UNC93A: variants seen among roughly 807,000 people sequenced by gnomAD.
UNC93A encodes the protein N-acetylglucosamine transporter UNC93A.
In UNC93A, 43 loss-of-function variants were observed where a neutral mutation model predicts 47.5. That is an observed-to-expected ratio of 0.91 (90% CI 0.71 to 1.17). The LOEUF is 1.17. UNC93A is among the 50% of genes most tolerant of loss of function. The pLI is 0.00. For missense variants in UNC93A, 605 were observed against 577.6 expected, an observed-to-expected ratio of 1.05 and a Z score of -0.49; for synonymous variants, 280 against 258.0, an observed-to-expected ratio of 1.09 and a Z score of -0.82.
chr6:167,309,705 A>C (rs1045060281), intron 7 of UNC93A, among the ~76,000 whole-genome samples: 1 of 152,234 alleles, frequency 6.6e-6, no homozygotes, highest in African/African-American at 2.4e-5. Flanking sequence ...TCGCGGACAG[A>C]ACACTCCAGC....
At chr6:167,270,732 TGAG>T (rs1282807278), upstream of UNC93A, among the ~76,000 whole-genome samples, 5 of 152,064 alleles carry the variant, frequency 3.3e-5, no homozygotes, top group Non-Finnish European at 7.4e-5. Flanking sequence ...GGTGACCACT[TGAG>T]GACGAAGGCA....
At chr6:167,308,626 C>T (rs1022319769) in intron 7 of UNC93A, among the ~76,000 whole-genome samples, 1 of 151,772 alleles carries the variant, frequency 6.6e-6, no homozygotes, top group Non-Finnish European at 1.5e-5. Flanking sequence ...GGCTGGGGCC[C>T]CTAAGAAGGC....
upstream of UNC93A, among the ~76,000 whole-genome samples, chr6:167,287,332 C>T (rs1783754876): frequency 6.6e-6 from 1 of 152,218 alleles, no homozygotes; most frequent in Non-Finnish European, 1.5e-5. Flanking sequence ...CTGGACACTG[C>T]TCTGCCGCCC....
intron 3 of UNC93A, among the ~76,000 whole-genome samples, chr6:167,296,923 C>T (rs1050258586): frequency 6.6e-6 from 1 of 152,202 alleles, no homozygotes; most frequent in African/African-American, 2.4e-5. Context: ...CTATTTCTAT[C>T]ACTTCATCAA....
chr6:167,302,379 C>T lies in UNC93A; in HGVS notation c.626-1540C>T, dbSNP rs974046943. On this transcript the variant is annotated intron_variant, in intron 4 of 7. Coordinates refer to ENST00000230256, the MANE Select transcript of UNC93A (RefSeq NM_018974.4). ...TTAGAGGAGCAGGGGTCTAAGTTCT[C>T]GGAGGTAGAAATGAACCGTTCTGAA... Among the ~76,000 whole-genome samples the T allele has an allele frequency of 3.3e-5, 5 of 152,018 alleles. No homozygotes were observed. The South Asian group carries it at 6.2e-4, about 19-fold the overall frequency.
At chr6:167,289,852 C>G (rs1356043814), upstream of UNC93A, among the ~76,000 whole-genome samples, 1 of 151,962 alleles carries the variant, frequency 6.6e-6, no homozygotes, top group Non-Finnish European at 1.5e-5. Flanking sequence ...ATCGATAACA[C>G]GGTTAGTATG....
intron 5 of UNC93A, among the ~76,000 whole-genome samples, chr6:167,304,715 C>G (rs60853266): frequency 1.3e-5 from 2 of 152,112 alleles, no homozygotes; most frequent in Non-Finnish European, 2.9e-5. Context: ...GGATTACAGG[C>G]GTGTGCCACC....
intron 1 of UNC93A, among the ~76,000 whole-genome samples, chr6:167,279,296 T>C (rs1474700970): frequency 6.6e-6 from 1 of 152,190 alleles, no homozygotes; most frequent in African/African-American, 2.4e-5. Context: ...CTGTCCTGTC[T>C]AGTAGTGATT....
At position 167,279,347 on chromosome 6, in the gene UNC93A, C is replaced by A. The variant is rs117087273; in HGVS notation, c.-52+7889C>A. ...ACCCTGTAAAAAAACAGCTTTCTCTCCATTTGCAATTCATTTCAAAATTCC... is the reference window on the plus strand; with the variant it reads ...ACCCTGTAAAAAAACAGCTTTCTCTACATTTGCAATTCATTTCAAAATTCC... On this transcript the variant is annotated intron_variant, in intron 1 of 3. Coordinates refer to the UNC93A transcript ENST00000503433. Among the ~76,000 whole-genome samples, 428 of 152,302 alleles carry A rather than the reference C, an allele frequency of 2.8e-3. 8 individuals are homozygous for A. The East Asian group carries it at 0.045, about 16-fold the overall frequency.
chr6:167,271,320 T>C (rs1009755354), exon 1 of UNC93A: 3 of 152,304 alleles, frequency 2.0e-5, no homozygotes, highest in African/African-American at 7.2e-5. Context: ...CAGGTGCTTC[T>C]GCTGAGGGCC....
In UNC93A at chr6:167,278,354, G is replaced by A. The variant is rs530926692; in HGVS notation, c.-52+6896G>A. Among the ~76,000 whole-genome samples, 477 of 152,248 alleles carry A rather than the reference G, an allele frequency of 3.1e-3. 2 individuals are homozygous for A. Among genetic ancestry groups the A allele is most frequent in the Non-Finnish European group, 5.1e-3 (350 of 68,012 alleles). Reference sequence around the variant, plus strand: ...AAAGGCCAACTCGGGTGTCCCCAGGGCCCGTGAGGCCAGCGCACGTGAGAC... The same window carrying A: ...AAAGGCCAACTCGGGTGTCCCCAGGACCCGTGAGGCCAGCGCACGTGAGAC... On this transcript the variant is annotated intron_variant, in intron 1 of 3. Transcript: ENST00000503433.
intron 7 of UNC93A, among the ~76,000 whole-genome samples, chr6:167,314,817 C>T (rs566524440): frequency 6.6e-6 from 1 of 152,286 alleles, no homozygotes; most frequent in East Asian, 1.9e-4. Flanking sequence ...CTGGACAAAA[C>T]CAATGCTCAT....
upstream of UNC93A, among the ~76,000 whole-genome samples, chr6:167,287,793 C>G (rs150972582): frequency 2.0e-4 from 31 of 152,128 alleles, 2 homozygotes; most frequent in East Asian, 6.0e-3. Flanking sequence ...GAACCAGGAC[C>G]TACACGATCC....
intron 4 of UNC93A, among the ~76,000 whole-genome samples, chr6:167,302,597 C>T (rs569542390): frequency 6.6e-6 from 1 of 152,260 alleles, no homozygotes. Flanking sequence ...AAATAAACAT[C>T]AGTTCTCCAT....
At chr6:167,302,402 G>C (rs1247738332) in intron 4 of UNC93A, among the ~76,000 whole-genome samples, 2 of 152,150 alleles carry the variant, frequency 1.3e-5, no homozygotes, top group African/African-American at 2.4e-5. Context: ...GAACCGTTCT[G>C]AAAGATTCTG....
At chr6:167,304,995 T>C (rs1452104051) in intron 5 of UNC93A, among the ~76,000 whole-genome samples, 6 of 152,106 alleles carry the variant, frequency 3.9e-5, no homozygotes, top group East Asian at 1.9e-4. Flanking sequence ...TCAGGGTGCA[T>C]AAAGAAAGAA....
intron 7 of UNC93A, among the ~76,000 whole-genome samples, chr6:167,308,845 C>A (rs989931647): frequency 1.3e-5 from 2 of 152,022 alleles, no homozygotes; most frequent in Non-Finnish European, 2.9e-5. Context: ...AAGGTGCGGC[C>A]CTGTGGGGAG....
chr6:167,291,974 C>T (rs1484978344), intron 1 of UNC93A, among the ~76,000 whole-genome samples: 3 of 152,128 alleles, frequency 2.0e-5, no homozygotes, highest in African/African-American at 7.2e-5. Context: ...TGTCACTAGA[C>T]CTTATACATT....
intron 2 of UNC93A, among the ~76,000 whole-genome samples, chr6:167,295,322 A>G (rs1234860148): frequency 6.6e-6 from 1 of 152,224 alleles, no homozygotes; most frequent in East Asian, 1.9e-4. Context: ...CTTACATGGC[A>G]TGCCGCCGCT....
Sources: allele counts gnomAD v4.1 joint callset (sites outside exome capture counted in the v4.1 genomes callset), GRCh38; gene constraint gnomAD v4.1.1; transcripts MANE v1.5; gene names NCBI Gene and HGNC (gene_info 2026-07-23, HGNC 2026-07-21).